Variants in CLYBL observed in about 807,000 individuals in gnomAD.
CLYBL encodes citramalyl-CoA lyase.
Under a neutral mutation model 38.9 loss-of-function variants are expected in CLYBL, and 31 were observed. That is an observed-to-expected ratio of 0.80 (90% CI 0.60 to 1.08). CLYBL has a LOEUF of 1.08. CLYBL is among the 50% of genes least tolerant of loss of function. The pLI is 0.00. For synonymous variants in CLYBL, 171 were observed against 158.6 expected, an observed-to-expected ratio of 1.08 and a Z score of -0.59; for missense variants, 434 against 411.6, an observed-to-expected ratio of 1.05 and a Z score of -0.47.
chr13:99,759,508 G>A (rs1283647427), intron 1 of CLYBL, among the ~76,000 whole-genome samples: 1 of 152,150 alleles, frequency 6.6e-6, no homozygotes, highest in East Asian at 1.9e-4. Context: ...GAGGCAACAA[G>A]TTAACAGGAG....
intron 2 of CLYBL, among the ~76,000 whole-genome samples, chr13:99,787,810 T>G (rs1430163242): frequency 6.6e-6 from 1 of 152,178 alleles, no homozygotes; most frequent in Non-Finnish European, 1.5e-5. Context: ...ATTTTCACGA[T>G]AAGATTCTTC....
intron 1 of CLYBL, among the ~76,000 whole-genome samples, chr13:99,678,778 G>A (rs1200816993): frequency 1.3e-5 from 2 of 152,126 alleles, no homozygotes; most frequent in East Asian, 1.9e-4. Context: ...CAGAAAGAGC[G>A]TGAAATATTT....
At chr13:99,669,369 G>A (rs1284548149) in intron 1 of CLYBL, among the ~76,000 whole-genome samples, 1 of 152,214 alleles carries the variant, frequency 6.6e-6, no homozygotes, top group African/African-American at 2.4e-5. Context: ...CATGTAGCTT[G>A]TCCTTTCTTC....
At chr13:99,819,396 T>C (rs2050527584) in intron 2 of CLYBL, among the ~76,000 whole-genome samples, 1 of 124,832 alleles carries the variant, frequency 8.0e-6, no homozygotes. Flanking sequence ...AAAGTACTTG[T>C]ATTATCACTG....
chr13:99,725,363 CA>C (rs1403144695), intron 1 of CLYBL, among the ~76,000 whole-genome samples: 12 of 152,104 alleles, frequency 7.9e-5, no homozygotes, highest in African/African-American at 2.9e-4. Flanking sequence ...GAACTGCTCT[CA>C]AGGGGAACAA....
intron 7 of CLYBL, among the ~76,000 whole-genome samples, chr13:99,874,684 T>C (rs1052909244): frequency 6.6e-6 from 1 of 152,204 alleles, no homozygotes; most frequent in East Asian, 1.9e-4. Context: ...CATATAAACA[T>C]TCAAGTATGT....
At chr13:99,837,828 C>G (rs1396186609) in intron 2 of CLYBL, among the ~76,000 whole-genome samples, 1 of 152,206 alleles carries the variant, frequency 6.6e-6, no homozygotes, top group African/African-American at 2.4e-5. Flanking sequence ...CCACCACACA[C>G]CCATCAAACC....
chr13:99,783,428 T>C (rs1763550646), intron 2 of CLYBL, among the ~76,000 whole-genome samples: 1 of 150,936 alleles, frequency 6.6e-6, no homozygotes, highest in African/African-American at 2.4e-5. Context: ...CTTGGTATAT[T>C]ATGAATCTGA....
At chr13:99,772,565 G>T (rs1408852707) in intron 1 of CLYBL, among the ~76,000 whole-genome samples, 2 of 152,116 alleles carry the variant, frequency 1.3e-5, no homozygotes, top group East Asian at 3.9e-4. Context: ...AGGCATGGTG[G>T]CACACACCTG....
chr13:99,847,796 G>A (rs2051241640), intron 2 of CLYBL, among the ~76,000 whole-genome samples: 1 of 152,230 alleles, frequency 6.6e-6, no homozygotes, highest in South Asian at 2.1e-4. Flanking sequence ...TCCTCCCGAA[G>A]GCAGGCAGGG....
chr13:99,704,010 C>T (rs2139467848), intron 1 of CLYBL, among the ~76,000 whole-genome samples: 1 of 152,248 alleles, frequency 6.6e-6, no homozygotes, highest in Middle Eastern at 3.4e-3. Flanking sequence ...TTGTCAGTGA[C>T]TTCTAGAGAA....
chr13:99,879,467 G>A (rs1005044247), intron 7 of CLYBL, among the ~76,000 whole-genome samples: 10 of 152,090 alleles, frequency 6.6e-5, no homozygotes, highest in South Asian at 6.2e-4. Context: ...CTCCTCCTCC[G>A]TGTAAGCCAA....
chr13:99,760,161 G>C (rs1362565244), intron 1 of CLYBL, among the ~76,000 whole-genome samples: 1 of 152,126 alleles, frequency 6.6e-6, no homozygotes, highest in Non-Finnish European at 1.5e-5. Context: ...AGAATCAGTA[G>C]TAATATCCCC....
At chr13:99,635,620 C>T (rs571579856) in intron 1 of CLYBL, among the ~76,000 whole-genome samples, 21 of 152,334 alleles carry the variant, frequency 1.4e-4, no homozygotes, top group African/African-American at 5.1e-4. Flanking sequence ...CTTACCTATT[C>T]CCTAGCATGC....
chr13:99,726,327 A>G (rs143307896), intron 1 of CLYBL: 3 of 152,324 alleles, frequency 2.0e-5, no homozygotes, highest in African/African-American at 7.2e-5. Flanking sequence ...TCTGTAACTT[A>G]TATTTACAAT....
intron 2 of CLYBL, among the ~76,000 whole-genome samples, chr13:99,803,071 A>C (rs141635015): frequency 6.6e-6 from 1 of 152,272 alleles, no homozygotes; most frequent in African/African-American, 2.4e-5. Context: ...TAACCAAGCA[A>C]ATCGGTAACT....
intron 2 of CLYBL, among the ~76,000 whole-genome samples, chr13:99,804,462 TCTAA>T (rs1446710538): frequency 4.6e-5 from 7 of 152,166 alleles, no homozygotes; most frequent in South Asian, 2.1e-4. Context: ...ACCTTTCACC[TCTAA>T]CTGTTTTTTT....
intron 2 of CLYBL, among the ~76,000 whole-genome samples, chr13:99,775,757 C>T (rs982040704): frequency 3.9e-5 from 6 of 152,170 alleles, no homozygotes; most frequent in African/African-American, 1.4e-4. Context: ...GATCCTCCTG[C>T]CTCAGCCTCC....
intron 1 of CLYBL, among the ~76,000 whole-genome samples, chr13:99,649,929 C>A (rs1278275503): frequency 6.6e-6 from 1 of 151,148 alleles, no homozygotes; most frequent in African/African-American, 2.4e-5. Context: ...TCAGCCTGAG[C>A]AATATAGCAA....
Sources: allele counts gnomAD v4.1 joint callset (sites outside exome capture counted in the v4.1 genomes callset), GRCh38; gene constraint gnomAD v4.1.1; transcripts MANE v1.5; gene names NCBI Gene and HGNC (gene_info 2026-07-23, HGNC 2026-07-21).